Variants in RUVBL1 observed in about 807,000 individuals in gnomAD.
RUVBL1 encodes the protein ruvB-like 1.
In RUVBL1, 4 loss-of-function variants were observed where a neutral mutation model predicts 52.4. The observed-to-expected ratio is 0.08, with a 90% CI of 0.04 to 0.17. The LOEUF is 0.17. Among genes scored for constraint, RUVBL1 ranks in the 10% least tolerant of loss-of-function variants. The probability of loss-of-function intolerance (pLI) is 1.00; values close to 1 mark genes in which losing one functional copy is unlikely to be tolerated. For synonymous variants in RUVBL1, 217 were observed against 214.4 expected, an observed-to-expected ratio of 1.01 and a Z score of -0.10; for missense variants, 298 against 572.8, an observed-to-expected ratio of 0.52 and a Z score of 4.90.
chr3:128,066,987 C>G (rs1425539176), intron 9 of RUVBL1: 2 of 1,614,162 alleles, frequency 1.2e-6, no homozygotes, highest in Non-Finnish European at 8.5e-7. Flanking sequence ...CAAGTCGGCC[C>G]GCTACCGTGG....
At chr3:128,104,244 C>G (rs1943172874) in intron 4 of RUVBL1, among the ~76,000 whole-genome samples, 1 of 152,208 alleles carries the variant, frequency 6.6e-6, no homozygotes, top group Non-Finnish European at 1.5e-5. Context: ...TCTGGCCTCT[C>G]CACAAAGCCC....
intron 8 of RUVBL1, among the ~76,000 whole-genome samples, chr3:128,096,405 A>G (rs1942970314): frequency 6.6e-6 from 1 of 152,234 alleles, no homozygotes; most frequent in Non-Finnish European, 1.5e-5. Flanking sequence ...TGGCAGGATG[A>G]GCACCGTATG....
intron 8 of RUVBL1, among the ~76,000 whole-genome samples, chr3:128,091,695 CTG>C (rs2097393151): frequency 6.6e-6 from 1 of 152,234 alleles, no homozygotes; most frequent in African/African-American, 2.4e-5. Flanking sequence ...AACTGTGACA[CTG>C]TGGATGTTTT....
At chr3:128,104,307 A>G (rs1943174216) in intron 4 of RUVBL1, among the ~76,000 whole-genome samples, 1 of 152,228 alleles carries the variant, frequency 6.6e-6, no homozygotes, top group African/African-American at 2.4e-5. Context: ...GACACAAGCA[A>G]CTGCAGTCAG....
At chr3:128,065,430 C>G (rs951708308) in intron 9 of RUVBL1, among the ~76,000 whole-genome samples, 3 of 152,186 alleles carry the variant, frequency 2.0e-5, no homozygotes, top group African/African-American at 7.2e-5. Flanking sequence ...GGCCTATCTT[C>G]TTAAGCTGTC....
chr3:128,153,258 A>G, exon 1 of RUVBL1: 3 of 1,347,670 alleles, frequency 2.2e-6, no homozygotes, highest in Non-Finnish European at 2.8e-6. Context: ...TCGGGCTCCT[A>G]GAGGCTTCAG....
At chr3:128,066,857 C>G (rs1941997108) in intron 9 of RUVBL1, 1 of 1,188,984 alleles carries the variant, frequency 8.4e-7, no homozygotes, top group Admixed American at 2.0e-5. Flanking sequence ...GATTTCCTCC[C>G]TTGTGGCCCA....
chr3:128,068,298 G>A (rs1334971559), intron 9 of RUVBL1, among the ~76,000 whole-genome samples: 1 of 152,272 alleles, frequency 6.6e-6, no homozygotes, highest in African/African-American at 2.4e-5. Flanking sequence ...GGAGATGGAA[G>A]CATGTGGCCA....
In RUVBL1 at chr3:128,087,702, T is replaced by C; in HGVS notation, c.1119+4A>G. 6.2e-7 allele frequency: 1 copy of C among 1,609,366 alleles called. No individual in the cohort carries two copies. Among genetic ancestry groups the C allele is most frequent in the Non-Finnish European group, 8.5e-7 (1 of 1,176,236 alleles). On this transcript the variant is annotated splice_donor_region_variant and intron_variant, in intron 9 of 10. Coordinates refer to ENST00000322623, the MANE Select transcript of RUVBL1 (RefSeq NM_003707.3). ...GAGAGCAGGAGGGAAGAAGGGAGGC[T>C]CACCTGTTTCATTTCCTGTGGAGTA...
chr3:128,085,960 C>T (rs904425898), intron 9 of RUVBL1, among the ~76,000 whole-genome samples: 1 of 152,210 alleles, frequency 6.6e-6, no homozygotes, highest in Non-Finnish European at 1.5e-5. Flanking sequence ...TAGCCACTGA[C>T]TAATGTTATG....
At chr3:128,073,320 C>T (rs1022638638) in intron 9 of RUVBL1, among the ~76,000 whole-genome samples, 1 of 152,210 alleles carries the variant, frequency 6.6e-6, no homozygotes, top group Non-Finnish European at 1.5e-5. Flanking sequence ...CACTGCCTCC[C>T]TGGACCTGCT....
At chr3:128,150,236 T>C (rs1944165495) in intron 1 of RUVBL1, among the ~76,000 whole-genome samples, 1 of 152,284 alleles carries the variant, frequency 6.6e-6, no homozygotes, top group Non-Finnish European at 1.5e-5. Context: ...CAAAATATCA[T>C]GTCTGCCACA....
intron 1 of RUVBL1, among the ~76,000 whole-genome samples, chr3:128,134,641 A>G (rs1212699237): frequency 6.6e-6 from 1 of 151,822 alleles, no homozygotes; most frequent in Non-Finnish European, 1.5e-5. Context: ...AAAAATAAAA[A>G]TAACAATAAA....
chr3:128,142,192 A>G (rs1430788351), intron 1 of RUVBL1, among the ~76,000 whole-genome samples: 2 of 152,228 alleles, frequency 1.3e-5, no homozygotes, highest in African/African-American at 4.8e-5. Flanking sequence ...GCTGACTCCC[A>G]GAGTCTGCCT....
At chr3:128,091,340 T>C (rs1038545942) in intron 8 of RUVBL1, among the ~76,000 whole-genome samples, 1 of 152,244 alleles carries the variant, frequency 6.6e-6, no homozygotes, top group Non-Finnish European at 1.5e-5. Context: ...AAGGCAGCCA[T>C]AATGGTAATG....
chr3:128,132,829 C>T (rs1943899364), intron 1 of RUVBL1, among the ~76,000 whole-genome samples: 1 of 151,960 alleles, frequency 6.6e-6, no homozygotes, highest in African/African-American at 2.4e-5. Context: ...TTGTGATGGC[C>T]ACAGAAAGAA....
At chr3:128,149,334 A>G (rs1010879375) in intron 1 of RUVBL1, among the ~76,000 whole-genome samples, 2 of 151,712 alleles carry the variant, frequency 1.3e-5, no homozygotes, top group Non-Finnish European at 2.9e-5. Flanking sequence ...ACAGGCATGC[A>G]CCACCATGCC....
intron 3 of RUVBL1, among the ~76,000 whole-genome samples, chr3:128,108,583 C>G (rs977941674): frequency 6.6e-6 from 1 of 151,788 alleles, no homozygotes; most frequent in East Asian, 1.9e-4. Flanking sequence ...CCTGTAATCC[C>G]AGGACTTTGG....
At chr3:128,090,773 A>G (rs35724792) in intron 8 of RUVBL1, among the ~76,000 whole-genome samples, 21,230 of 152,196 alleles carry the variant, frequency 0.14, 1,658 homozygotes, top group African/African-American at 0.2. Context: ...TATTTAGGCC[A>G]TAAGTGTTTT....
Sources: gnomAD v4.1 joint callset for allele counts (sites outside exome capture counted in the v4.1 genomes callset) on GRCh38, gnomAD v4.1.1 for gene constraint, MANE v1.5 for transcripts, NCBI Gene and HGNC (gene_info 2026-07-23, HGNC 2026-07-21) for gene names.